The following MGMT variants were observed in gnomAD, a reference collection of about 807,000 sequenced individuals.
MGMT encodes methylated-DNA--protein-cysteine methyltransferase.
In MGMT, 14 loss-of-function variants were observed where a neutral mutation model predicts 15.9. The observed-to-expected ratio is 0.88, with a 90% CI of 0.58 to 1.37. The LOEUF (loss-of-function observed/expected upper bound fraction) is 1.37. MGMT is among the 40% of genes most tolerant of loss of function. The pLI is 0.00. For synonymous variants in MGMT, 130 were observed against 118.2 expected, an observed-to-expected ratio of 1.10 and a Z score of -0.65; for missense variants, 282 against 268.1, an observed-to-expected ratio of 1.05 and a Z score of -0.36.
At chr10:129,489,703 G>T (rs909327834) in intron 1 of MGMT, among the ~76,000 whole-genome samples, 5 of 152,112 alleles carry the variant, frequency 3.3e-5, no homozygotes, top group African/African-American at 1.2e-4. Context: ...TACTCCCCGT[G>T]TCCTTATTTT....
At chr10:129,733,410 G>T (rs1203138638) in intron 3 of MGMT, among the ~76,000 whole-genome samples, 4 of 151,610 alleles carry the variant, frequency 2.6e-5, no homozygotes, top group African/African-American at 9.7e-5. Flanking sequence ...GGGGTTGTTT[G>T]TTTTTTTCTT....
chr10:129,739,241 A>C (rs1202152595), intron 3 of MGMT, among the ~76,000 whole-genome samples: 1 of 152,324 alleles, frequency 6.6e-6, no homozygotes, highest in East Asian at 1.9e-4. Context: ...GAAAATCGGC[A>C]CAAGACAAGG....
At chr10:129,687,796 C>T (rs1444329459) in intron 2 of MGMT, among the ~76,000 whole-genome samples, 3 of 151,828 alleles carry the variant, frequency 2.0e-5, no homozygotes, top group African/African-American at 4.8e-5. Flanking sequence ...GTGCTGCACC[C>T]ATTAACTCAT....
chr10:129,753,105 CTGAGT>C (rs1490349194), intron 3 of MGMT, among the ~76,000 whole-genome samples: 2 of 152,100 alleles, frequency 1.3e-5, no homozygotes, highest in African/African-American at 4.8e-5. Context: ...ATATAGAATC[CTGAGT>C]TGTCAGGTTT....
chr10:129,481,063 G>A (rs1015869175), intron 1 of MGMT, among the ~76,000 whole-genome samples: 1 of 152,212 alleles, frequency 6.6e-6, no homozygotes, highest in Non-Finnish European at 1.5e-5. Context: ...AAGTGAACCT[G>A]CCTGTTGCCC....
chr10:129,587,014 A>C (rs946426380), intron 2 of MGMT, among the ~76,000 whole-genome samples: 5 of 152,160 alleles, frequency 3.3e-5, no homozygotes, highest in Admixed American at 6.5e-5. Context: ...CTGTGCAAAG[A>C]ATTTTGAGTT....
chr10:129,629,700 A>T (rs1847189375), intron 2 of MGMT, among the ~76,000 whole-genome samples: 1 of 152,174 alleles, frequency 6.6e-6, no homozygotes. Context: ...GCCATTGCTC[A>T]CAGATAAAAC....
rs552316676 is a variant in MGMT, at chr10:129,649,344, C to T, written c.126-58551C>T. 3.3e-5 allele frequency among the ~76,000 whole-genome samples: 5 copies of T among 151,788 alleles called. No homozygotes were observed. The South Asian group carries it at 6.2e-4, about 19-fold the overall frequency. On this transcript the variant is annotated intron_variant, in intron 2 of 4. Transcript: ENST00000651593. ...CATTCTGTGTCGCTGTATCTTCCCG[C>T]GACGTGGTAATGCAAACTTAGAAAA...
rs187592074 is a variant in MGMT, at chr10:129,704,372, G to C, written c.126-3523G>C. ...GCTTCCCCCAGGGCCTCTTTGTGAC[G>C]GGACCGACAAGGGTTTCCAGGCAGT... On this transcript the variant is annotated intron_variant, in intron 2 of 4. Coordinates refer to ENST00000651593, the MANE Select transcript of MGMT (RefSeq NM_002412.5). Among the ~76,000 whole-genome samples, 421 of 152,166 alleles carry C rather than the reference G, an allele frequency of 2.8e-3. 1 individual carries two copies. Among genetic ancestry groups the C allele is most frequent in the Admixed American group, 5.0e-3 (77 of 15,292 alleles).
chr10:129,739,592 T>A (rs1262170204), intron 3 of MGMT, among the ~76,000 whole-genome samples: 2 of 152,028 alleles, frequency 1.3e-5, no homozygotes, highest in East Asian at 3.9e-4. Context: ...TCAGAGCCCC[T>A]ACGCCCTGGT....
intron 2 of MGMT, among the ~76,000 whole-genome samples, chr10:129,575,332 GTC>G (rs1376174733): frequency 6.6e-6 from 1 of 152,066 alleles, no homozygotes; most frequent in Non-Finnish European, 1.5e-5. Flanking sequence ...GTAACAAACT[GTC>G]TCTCAGACCA....
In MGMT at chr10:129,533,173, G is replaced by T. The variant is rs1845951005; in HGVS notation, c.-12-3068G>T. ...GCCCCACAGATGTTTCCTGAAGCTT[G>T]ATTTTGGCTGTGATTGGAGCGTGGC... On this transcript the variant is annotated intron_variant, in intron 1 of 4. Coordinates refer to ENST00000651593, the MANE Select transcript of MGMT (RefSeq NM_002412.5). This position sits in a 1 kb window ranked among gnomAD's most constrained non-coding sequence, Gnocchi z 4.5. Among the ~76,000 whole-genome samples the T allele has an allele frequency of 6.6e-6, 1 of 152,270 alleles. No individual in the cohort carries two copies. Among genetic ancestry groups the T allele is most frequent in the African/African-American group, 2.4e-5 (1 of 41,476 alleles).
At chr10:129,704,724 C>T (rs551431240) in intron 2 of MGMT, among the ~76,000 whole-genome samples, 16 of 152,200 alleles carry the variant, frequency 1.1e-4, no homozygotes, top group South Asian at 1.0e-3. Context: ...CACCCTCCTG[C>T]TCCACCGTGA....
intron 3 of MGMT, among the ~76,000 whole-genome samples, chr10:129,713,284 G>A (rs563289302): frequency 2.6e-5 from 4 of 152,154 alleles, no homozygotes; most frequent in Admixed American, 6.5e-5. Flanking sequence ...ACCTTCTTCC[G>A]ATGCCCGTTT....
chr10:129,759,393 G>A (rs753402067), intron 4 of MGMT, 52 bp downstream of exon 4: 1 of 1,611,556 alleles, frequency 6.2e-7, no homozygotes, highest in Non-Finnish European at 8.5e-7. Flanking sequence ...CGTGCAGGTG[G>A]CAGGGTGTCA....
At chr10:129,565,888 CTTT>C (rs1359832571) in intron 2 of MGMT, among the ~76,000 whole-genome samples, 1 of 151,984 alleles carries the variant, frequency 6.6e-6, no homozygotes, top group African/African-American at 2.4e-5. Context: ...GGTCCTGGTG[CTTT>C]TTTTGCTGGG....
At chr10:129,706,605 G>A (rs548330110) in intron 2 of MGMT, among the ~76,000 whole-genome samples, 6 of 152,304 alleles carry the variant, frequency 3.9e-5, no homozygotes, top group East Asian at 1.9e-4. Context: ...GAAGCATGCC[G>A]TTTGTCTGGG....
intron 3 of MGMT, among the ~76,000 whole-genome samples, chr10:129,721,925 T>G (rs1848376757): frequency 6.6e-6 from 1 of 152,018 alleles, no homozygotes; most frequent in Non-Finnish European, 1.5e-5. Flanking sequence ...ATCATATTAA[T>G]AATTACATTA....
intron 1 of MGMT, among the ~76,000 whole-genome samples, chr10:129,513,261 G>A (rs1486060433): frequency 2.0e-5 from 3 of 152,148 alleles, no homozygotes; most frequent in Admixed American, 6.5e-5. Context: ...TTGTTAAATG[G>A]GGACATAGCT....
Sources: allele counts gnomAD v4.1 joint callset (sites outside exome capture counted in the v4.1 genomes callset), GRCh38; gene constraint gnomAD v4.1.1; non-coding constraint Gnocchi (gnomAD v3.1); transcripts MANE v1.5; gene names NCBI Gene and HGNC (gene_info 2026-07-23, HGNC 2026-07-21).